ADAMTSL1: variants seen among roughly 807,000 people sequenced by gnomAD.
The protein encoded by ADAMTSL1 is ADAMTS like 1.
In ADAMTSL1, 126 loss-of-function variants were observed where a neutral mutation model predicts 201.8. The observed-to-expected ratio is 0.62, with a 90% confidence interval of 0.54 to 0.72. The LOEUF (loss-of-function observed/expected upper bound fraction) is 0.72. Ranked by LOEUF, ADAMTSL1 falls within the 30% of genes least tolerant of loss-of-function variation. ADAMTSL1 has a pLI of 0.00. For missense variants in ADAMTSL1, 2,679 were observed against 2,277.8 expected (o/e 1.18, Z -3.59); for synonymous variants, 1,121 against 903.4 (o/e 1.24, Z -4.32).
chr9:18,221,819 G>T (rs946878891), intron 2 of ADAMTSL1, among the ~76,000 whole-genome samples: 3 of 151,898 alleles, frequency 2.0e-5, no homozygotes, highest in Admixed American at 1.3e-4. Context: ...ATTGGGGTTG[G>T]TGGCATTTTC....
intron 3 of ADAMTSL1, among the ~76,000 whole-genome samples, chr9:18,543,471 C>G (rs1820283378): frequency 6.6e-6 from 1 of 152,108 alleles, no homozygotes; most frequent in Admixed American, 6.6e-5. Context: ...AACATCAAGG[C>G]TAAATAAGCT....
chr9:18,154,991 G>A (rs1470857923), intron 1 of ADAMTSL1, among the ~76,000 whole-genome samples: 3 of 152,002 alleles, frequency 2.0e-5, no homozygotes, highest in African/African-American at 7.2e-5. Flanking sequence ...AGGGTTGCTG[G>A]TGGGTGGTGA....
intron 11 of ADAMTSL1, 104 bp from the exon 12 acceptor site, chr9:18,681,708 G>GGGT (rs1564145993): frequency 4.0e-6 from 3 of 745,462 alleles, no homozygotes; most frequent in Admixed American, 3.4e-5. Flanking sequence ...GGGGGGGGGG[G>GGGT]GCGGGGAAAA....
chr9:18,013,521 T>C (rs1820138041), intron 1 of ADAMTSL1, among the ~76,000 whole-genome samples: 1 of 151,998 alleles, frequency 6.6e-6, no homozygotes. Flanking sequence ...TAATGGTAAA[T>C]AGCCAATTCA....
chr9:18,769,243 C>T lies in ADAMTSL1; in HGVS notation c.2218-1359C>T, dbSNP rs75261296. Among the ~76,000 whole-genome samples the T allele has an allele frequency of 6.4e-3, 970 of 152,292 alleles. 12 individuals carry two copies. The highest frequency in any genetic ancestry group is 0.023 in the African/African-American group (942 of 41,546). On this transcript the variant is annotated intron_variant, in intron 16 of 28. Coordinates refer to ENST00000380548, the MANE Select transcript of ADAMTSL1 (RefSeq NM_001040272.6). ...GTACAACTTACTAAACAAAGACCAA[C>T]GTGAGTTCTGAGAGGGGCACTCCTC... is the stretch of plus-strand genomic sequence containing the variant.
intron 2 of ADAMTSL1, among the ~76,000 whole-genome samples, chr9:18,176,284 A>G (rs535848165): frequency 6.6e-5 from 10 of 152,298 alleles, no homozygotes; most frequent in African/African-American, 2.4e-4. Context: ...CATGGAACAG[A>G]ATCTTAAGCA....
chr9:18,740,824 C>T (rs1818786038), intron 15 of ADAMTSL1, among the ~76,000 whole-genome samples: 1 of 152,046 alleles, frequency 6.6e-6, no homozygotes, highest in Non-Finnish European at 1.5e-5. Flanking sequence ...AGTCCCAGTT[C>T]CCTGAAGGCT....
intron 16 of ADAMTSL1, among the ~76,000 whole-genome samples, chr9:18,757,396 C>T (rs1819834133): frequency 6.6e-6 from 1 of 152,178 alleles, no homozygotes; most frequent in Non-Finnish European, 1.5e-5. Flanking sequence ...AGTTACAACA[C>T]TGTGATTGAG....
intron 2 of ADAMTSL1, among the ~76,000 whole-genome samples, chr9:18,405,810 T>C (rs1267137544): frequency 2.0e-5 from 3 of 152,236 alleles, no homozygotes; most frequent in South Asian, 2.1e-4. Flanking sequence ...TATTAATTAA[T>C]GTAATCTTGT....
At chr9:18,461,471 A>C (rs962790705) in intron 2 of ADAMTSL1, among the ~76,000 whole-genome samples, 2 of 152,150 alleles carry the variant, frequency 1.3e-5, no homozygotes, top group African/African-American at 4.8e-5. Flanking sequence ...CCTCACATAC[A>C]TTATTATGGT....
chr9:18,798,863 A>G (rs1822599748), intron 20 of ADAMTSL1, among the ~76,000 whole-genome samples: 1 of 152,224 alleles, frequency 6.6e-6, no homozygotes, highest in South Asian at 2.1e-4. Flanking sequence ...GAACATGTAA[A>G]CACCATTTAG....
chr9:18,475,431 T>C (rs1821400368), intron 1 of ADAMTSL1, among the ~76,000 whole-genome samples: 1 of 152,204 alleles, frequency 6.6e-6, no homozygotes, highest in East Asian at 1.9e-4. Flanking sequence ...AATAGAGTAA[T>C]CAGACAGTGA....
In ADAMTSL1 at chr9:18,851,751, T is replaced by C. The variant is rs145029111; in HGVS notation, c.4249+21774T>C. Among the ~76,000 whole-genome samples the C allele has an allele frequency of 3.2e-3, 495 of 152,308 alleles. 2 individuals are homozygous for C. Among genetic ancestry groups the C allele is most frequent in the Middle Eastern group, 6.8e-3 (2 of 294 alleles). On this transcript the variant is annotated intron_variant, in intron 23 of 28. Coordinates refer to ENST00000380548, the MANE Select transcript of ADAMTSL1 (RefSeq NM_001040272.6). ...TGGGAAGGGCCACGTGTATAGTGTG[T>C]TTACTGAAGTTGTGGGCATGCTCAC...
Position 18,126,552 on chromosome 9 carries a change from C to A in ADAMTSL1, c.88-37310C>A, listed in dbSNP as rs564511450. ...GCACCACACGTGGCAGAGTGTCCAC[C>A]ACTTGTAGTAGGCTTGCAATAGCCA... is the stretch of plus-strand genomic sequence containing the variant. On this transcript the variant is annotated intron_variant, in intron 1 of 29. Transcript: ENST00000680146. 5.6e-4 allele frequency among the ~76,000 whole-genome samples: 85 copies of A among 152,310 alleles called. No individual in the cohort carries two copies. The Middle Eastern group carries it at 0.01, about 18-fold the overall frequency.
At chr9:17,974,386 A>C (rs947738922) in intron 1 of ADAMTSL1, among the ~76,000 whole-genome samples, 1 of 152,096 alleles carries the variant, frequency 6.6e-6, no homozygotes. Context: ...CTGATAAGCA[A>C]CTTCAGCAAA....
intron 2 of ADAMTSL1, among the ~76,000 whole-genome samples, chr9:18,350,994 A>G (rs1162415346): frequency 6.6e-6 from 1 of 152,210 alleles, no homozygotes; most frequent in Non-Finnish European, 1.5e-5. Flanking sequence ...GCTTTTAGCT[A>G]TGGAGAAAAC....
intron 1 of ADAMTSL1, among the ~76,000 whole-genome samples, chr9:17,993,863 G>T (rs1372577552): frequency 6.6e-6 from 1 of 152,086 alleles, no homozygotes; most frequent in Non-Finnish European, 1.5e-5. Flanking sequence ...ATTTGTCTCT[G>T]TTGAAGAATG....
chr9:18,006,965 G>A (rs370972065), intron 1 of ADAMTSL1, among the ~76,000 whole-genome samples: 144 of 152,018 alleles, frequency 9.5e-4, no homozygotes, highest in Non-Finnish European at 1.6e-3. Flanking sequence ...ATGCTCTTAC[G>A]TATTTGGATT....
At chr9:18,596,694 G>A (rs1025112060) in intron 4 of ADAMTSL1, among the ~76,000 whole-genome samples, 2 of 152,168 alleles carry the variant, frequency 1.3e-5, no homozygotes, top group African/African-American at 4.8e-5. Context: ...ATGAGGTTAT[G>A]AGAGATTTTG....
Sources: allele counts gnomAD v4.1 joint callset (sites outside exome capture counted in the v4.1 genomes callset), GRCh38; gene constraint gnomAD v4.1.1; transcripts MANE v1.5; gene names NCBI Gene and HGNC (gene_info 2026-07-23, HGNC 2026-07-21).